The following PKIG variants were observed in gnomAD, a reference collection of about 807,000 sequenced individuals.
PKIG encodes the protein cAMP-dependent protein kinase inhibitor gamma.
Under a neutral mutation model 6.8 loss-of-function variants are expected in PKIG, and 1 was observed. That is an observed-to-expected ratio of 0.15 (90% CI 0.05 to 0.69). The LOEUF (loss-of-function observed/expected upper bound fraction) is 0.69. PKIG is among the 30% of genes least tolerant of loss of function. PKIG has a pLI of 0.82. For missense variants in PKIG, 77 were observed against 104.0 expected, an observed-to-expected ratio of 0.74 and a Z score of 1.13; for synonymous variants, 39 against 43.0, an observed-to-expected ratio of 0.91 and a Z score of 0.36.
intron 1 of PKIG, among the ~76,000 whole-genome samples, chr20:44,562,674 T>TAATGAGTATACTATG (rs2064778175): frequency 6.9e-6 from 1 of 144,310 alleles, no homozygotes; most frequent in Non-Finnish European, 1.5e-5. Context: ...ATTAACAAAA[T>TAATGAGTATACTATG]AATGATACTA....
At chr20:44,537,134 C>T (rs1270230559) in intron 1 of PKIG, among the ~76,000 whole-genome samples, 1 of 151,818 alleles carries the variant, frequency 6.6e-6, no homozygotes, top group Non-Finnish European at 1.5e-5. Flanking sequence ...GATGGAGTTT[C>T]ACTCTTATCG....
chr20:44,536,500 A>G (rs572432841), intron 1 of PKIG, among the ~76,000 whole-genome samples: 2 of 152,308 alleles, frequency 1.3e-5, no homozygotes, highest in African/African-American at 4.8e-5. Flanking sequence ...AGGAGAATCA[A>G]CAGGACTTGA....
upstream of PKIG, among the ~76,000 whole-genome samples, chr20:44,577,750 C>G (rs1464546014): frequency 6.6e-6 from 1 of 152,178 alleles, no homozygotes; most frequent in African/African-American, 2.4e-5. Flanking sequence ...TTGCACTGTA[C>G]AGCAGCTGTG....
intron 1 of PKIG, among the ~76,000 whole-genome samples, chr20:44,546,079 GTC>G (rs2064611175): frequency 6.6e-6 from 1 of 152,002 alleles, no homozygotes; most frequent in Admixed American, 6.6e-5. Context: ...GCAAAACCCT[GTC>G]TCTACAAAAA....
rs142018234 is a variant in PKIG at position 44,613,148 on chromosome 20, G to C, written c.-23-1386G>C. On this transcript the variant is annotated intron_variant, in intron 2 of 3. Coordinates refer to ENST00000372886, the MANE Select transcript of PKIG (RefSeq NM_001281445.2). ...ACCAGGGCTGTTAACTGCTGTCTCT[G>C]TAGTAAGAACTACTAATTTATTTTT... is the stretch of plus-strand genomic sequence containing the variant. Among the ~76,000 whole-genome samples the C allele has an allele frequency of 2.4e-4, 37 of 152,292 alleles. No individual in the cohort carries two copies. In the East Asian group the frequency reaches 6.8e-3, roughly 28 times the overall value.
At chr20:44,602,375 A>G (rs753655562) in intron 2 of PKIG, among the ~76,000 whole-genome samples, 1 of 152,224 alleles carries the variant, frequency 6.6e-6, no homozygotes, top group Non-Finnish European at 1.5e-5. Flanking sequence ...CCCATAGCAC[A>G]TACCATAATC....
chr20:44,575,202 G>A (rs527418042), intron 1 of PKIG, among the ~76,000 whole-genome samples: 4 of 152,208 alleles, frequency 2.6e-5, no homozygotes, highest in African/African-American at 4.8e-5. Flanking sequence ...ACAGGCATGC[G>A]CCACCATGCC....
chr20:44,592,111 T>TA (rs1269140591), intron 2 of PKIG, among the ~76,000 whole-genome samples: 2 of 152,234 alleles, frequency 1.3e-5, no homozygotes, highest in Non-Finnish European at 2.9e-5. Flanking sequence ...GATAAGCACT[T>TA]ACATCCTTCT....
chr20:44,555,705 CCA>C (rs1241600644), intron 1 of PKIG, among the ~76,000 whole-genome samples: 1 of 152,122 alleles, frequency 6.6e-6, no homozygotes, highest in Admixed American at 6.5e-5. Flanking sequence ...TTTTATTGTT[CCA>C]CATATATGTA....
intron 1 of PKIG, among the ~76,000 whole-genome samples, chr20:44,536,880 C>T (rs1048336643): frequency 5.9e-5 from 9 of 152,130 alleles, no homozygotes; most frequent in African/African-American, 1.9e-4. Context: ...TCTAAAAGCA[C>T]CTGGAATATT....
chr20:44,557,110 T>G (rs1382735329), intron 1 of PKIG, among the ~76,000 whole-genome samples: 1 of 152,204 alleles, frequency 6.6e-6, no homozygotes. Context: ...TTCAGTGTAT[T>G]TAGAGTAATC....
chr20:44,591,714 G>A (rs752189088), intron 2 of PKIG, among the ~76,000 whole-genome samples: 1 of 152,114 alleles, frequency 6.6e-6, no homozygotes, highest in Non-Finnish European at 1.5e-5. Context: ...ATTAAATGAA[G>A]ATAATAAGTA....
chr20:44,545,825 A>T (rs962583827), intron 1 of PKIG, among the ~76,000 whole-genome samples: 8 of 152,064 alleles, frequency 5.3e-5, no homozygotes, highest in Non-Finnish European at 7.4e-5. Flanking sequence ...TCTCCAAAAC[A>T]TATATATACA....
intron 1 of PKIG, among the ~76,000 whole-genome samples, chr20:44,571,636 G>A (rs993281205): frequency 2.0e-5 from 3 of 152,234 alleles, no homozygotes; most frequent in African/African-American, 7.2e-5. Context: ...GCCTGGGTCA[G>A]GGGAGATGCA....
chr20:44,618,759 T>C lies in PKIG; in HGVS notation c.*395T>C, dbSNP rs1199953755. 5.8e-6 allele frequency: 1 copy of C among 172,230 alleles called. No homozygotes were observed. The highest frequency in any genetic ancestry group is 2.4e-5 in the African/African-American group (1 of 42,044). The allele number at this position is 172,230 out of a possible 1,614,324, so 10.7% of individuals were successfully genotyped here. The stretch of plus-strand genomic sequence containing the variant: ...CTCCTCTCCAGCCCAATCTTCTGGG[T>C]CCAGACCTGCTTGTCCCTTTTTTAG... On this transcript the variant is annotated 3_prime_UTR_variant, in exon 4 of 4. Coordinates refer to ENST00000372886, the MANE Select transcript of PKIG (RefSeq NM_001281445.2).
intron 2 of PKIG, among the ~76,000 whole-genome samples, chr20:44,603,634 C>G (rs909507681): frequency 2.0e-5 from 3 of 152,316 alleles, no homozygotes; most frequent in Admixed American, 2.0e-4. Flanking sequence ...CTTGCCCTTT[C>G]TGAGCCTCCG....
upstream of PKIG, among the ~76,000 whole-genome samples, chr20:44,581,727 A>G (rs938445119): frequency 6.6e-6 from 1 of 152,166 alleles, no homozygotes; most frequent in African/African-American, 2.4e-5. Context: ...GAATCTGTTC[A>G]TCTCCTTCAT....
intron 1 of PKIG, among the ~76,000 whole-genome samples, chr20:44,547,490 C>T (rs912679218): frequency 1.3e-5 from 2 of 152,124 alleles, no homozygotes; most frequent in South Asian, 4.2e-4. Flanking sequence ...GGCTGGTGGC[C>T]CAAATACAAA....
chr20:44,611,617 C>T (rs1348612290), intron 2 of PKIG, among the ~76,000 whole-genome samples: 5 of 151,224 alleles, frequency 3.3e-5, no homozygotes, highest in South Asian at 2.1e-4. Context: ...CCTGGGTTCA[C>T]GCCATTCTCC....
Sources: allele counts gnomAD v4.1 joint callset (sites outside exome capture counted in the v4.1 genomes callset), GRCh38; gene constraint gnomAD v4.1.1; transcripts MANE v1.5; gene names NCBI Gene and HGNC (gene_info 2026-07-23, HGNC 2026-07-21).